The following WDR45 variants were observed in gnomAD, a reference collection of about 807,000 sequenced individuals.
WDR45 encodes the protein WD repeat domain phosphoinositide-interacting protein 4.
WDR45 carries 2 observed loss-of-function variants against 27.3 expected under a neutral mutation model. That is an observed-to-expected ratio of 0.07 (90% CI 0.03 to 0.23). WDR45 has a LOEUF of 0.23. Among genes scored for constraint, WDR45 ranks in the 10% least tolerant of loss-of-function variants. The probability of loss-of-function intolerance (pLI) is 1.00; values close to 1 mark genes in which losing one functional copy is unlikely to be tolerated. For synonymous variants in WDR45, 99 were observed against 119.2 expected (o/e 0.83, Z 1.11); for missense variants, 175 against 311.9 (o/e 0.56, Z 3.31).
chrX:49,074,562 A>C lies in WDR45; in HGVS notation c.*241T>G. On this transcript the variant is annotated 3_prime_UTR_variant, in exon 11 of 11. Transcript: ENST00000376372. ...CTCTGGGTCCCTGGCAATTTCCTCC[A>C]GGTTAGGGATCCCAAGGGGTCGCTG... The C allele has an allele frequency of 2.5e-6, 1 of 399,510 alleles. No homozygotes were observed. Among genetic ancestry groups the C allele is most frequent in the East Asian group, 4.0e-5 (1 of 25,025 alleles). 32.9% of individuals were successfully genotyped at this position (399,510 alleles called of 1,213,427 possible).
At chrX:49,085,530 A>C (rs2147823065) in intron 2 of WDR45, among the ~76,000 whole-genome samples, 1 of 112,805 alleles carries the variant, frequency 8.9e-6, no homozygotes, top group African/African-American at 3.2e-5. Context: ...CAGCTCCTAA[A>C]AAGGTAAAGT....
chrX:49,097,663 T>TTA (rs1175784981), intron 2 of WDR45, among the ~76,000 whole-genome samples: 1 of 36,640 alleles, frequency 2.7e-5, no homozygotes, highest in Non-Finnish European at 8.9e-5. Flanking sequence ...ATTATTATTA[T>TTA]TTTTTTTTTT....
chrX:49,085,213 CG>C lies in WDR45; in HGVS notation c.-17-7102del, dbSNP rs782690324. 7.1e-3 allele frequency among the ~76,000 whole-genome samples: 796 copies of C among 111,798 alleles called. 5 individuals carry two copies. Among genetic ancestry groups the C allele is most frequent in the Non-Finnish European group, 0.01 (533 of 53,138 alleles). On this transcript the variant is annotated intron_variant, in intron 2 of 11. Transcript: ENST00000356463. ...CAGAGGGTCCCCCTTCAGTATTTAG[CG>C]GAGTGCTTATCAACACATGCATATG...
At chrX:49,096,296 T>C (rs1385728225) in intron 2 of WDR45, among the ~76,000 whole-genome samples, 1 of 110,910 alleles carries the variant, frequency 9.0e-6, no homozygotes, top group Non-Finnish European at 1.9e-5. Flanking sequence ...AGTGGCGTAA[T>C]CATGGCTCAT....
chrX:49,097,809 A>T (rs1184414391), intron 2 of WDR45, among the ~76,000 whole-genome samples: 1 of 107,113 alleles, frequency 9.3e-6, no homozygotes, highest in Non-Finnish European at 1.9e-5. Flanking sequence ...GGCGTTAGCC[A>T]CCACACCTGG....
At chrX:49,087,673 C>T (rs2065091030) in intron 2 of WDR45, among the ~76,000 whole-genome samples, 1 of 112,168 alleles carries the variant, frequency 8.9e-6, no homozygotes, top group Admixed American at 9.5e-5. Context: ...GAGAAGCCAT[C>T]GAGGCAGGAG....
chrX:49,100,772 AAGG>A (rs2065143126), intron 1 of WDR45: 1 of 112,845 alleles, frequency 8.9e-6, no homozygotes. Context: ...GGCTTGTGAG[AAGG>A]AGTACAGTTA....
At chrX:49,091,531 T>C (rs1197499586) in intron 2 of WDR45, among the ~76,000 whole-genome samples, 141 of 86,010 alleles carry the variant, frequency 1.6e-3, no homozygotes, top group Middle Eastern at 0.017. Flanking sequence ...GGGTGGATCA[T>C]GAGGTCAGGA....
chrX:49,098,403 C>A (rs996481715), intron 2 of WDR45, among the ~76,000 whole-genome samples: 2 of 106,308 alleles, frequency 1.9e-5, no homozygotes, highest in African/African-American at 3.4e-5. Flanking sequence ...GGCTAAGGTG[C>A]GGGAATTGCT....
At chrX:49,091,857 G>A (rs1217202763) in intron 2 of WDR45, among the ~76,000 whole-genome samples, 8 of 104,909 alleles carry the variant, frequency 7.6e-5, no homozygotes, top group Admixed American at 3.1e-4. Context: ...TATGCCAGGC[G>A]CGGTGGCTCA....
In WDR45 at chrX:49,091,726, G is replaced by A. The variant is rs1215922354; in HGVS notation, c.-18+8479C>T. On this transcript the variant is annotated intron_variant, in intron 2 of 11. Transcript: ENST00000356463. ...GTTGCGCCACTGCAGTCCGCAGTCCGACCTGGGCGACAGAGCGAGACTCCG... is the reference window on the plus strand; with the variant it reads ...GTTGCGCCACTGCAGTCCGCAGTCCAACCTGGGCGACAGAGCGAGACTCCG... Among the ~76,000 whole-genome samples, 9 of 65,011 alleles carry A rather than the reference G, an allele frequency of 1.4e-4. No individual in the cohort carries two copies. The East Asian group carries it at 5.5e-3, about 40-fold the overall frequency. 56.5% of individuals were successfully genotyped at this position (65,011 alleles called of 115,157 possible).
intron 2 of WDR45, among the ~76,000 whole-genome samples, chrX:49,095,249 C>T (rs964327025): frequency 1.1e-4 from 12 of 110,315 alleles, no homozygotes; most frequent in Non-Finnish European, 2.1e-4. Flanking sequence ...TGGTGCCTCA[C>T]ACCTGTAATC....
At chrX:49,081,815 C>G (rs918838177), upstream of WDR45, among the ~76,000 whole-genome samples, 4 of 107,387 alleles carry the variant, frequency 3.7e-5, no homozygotes, top group Non-Finnish European at 7.7e-5. Flanking sequence ...GAAACCTCCT[C>G]TCTACTAAAA....
chrX:49,076,348 C>A, intron 6 of WDR45, 82 bp downstream of exon 6: 2 of 1,009,591 alleles, frequency 2.0e-6, no homozygotes, highest in Non-Finnish European at 1.4e-6. Context: ...TGTGAGTGCC[C>A]CTTCCTTTCT....
intron 2 of WDR45, among the ~76,000 whole-genome samples, chrX:49,096,165 A>G (rs1261332021): frequency 9.0e-6 from 1 of 110,957 alleles, no homozygotes; most frequent in Non-Finnish European, 1.9e-5. Flanking sequence ...CTTTTTATGT[A>G]GTAACTGACA....
In WDR45 at chrX:49,087,628, CAG is replaced by C. The variant is rs1557086104; in HGVS notation, c.-17-9518_-17-9517del. ...TGGGACATTGCTAAGATATAGGGCT[CAG>C]GGGAACCAGGAGGAACTAGCAAGAC... On this transcript the variant is annotated intron_variant, in intron 2 of 11. Coordinates refer to the WDR45 transcript ENST00000356463. Among the ~76,000 whole-genome samples, 3 of 112,337 alleles carry C rather than the reference CAG, an allele frequency of 2.7e-5. No homozygotes were observed. The Admixed American group carries it at 2.8e-4, about 11-fold the overall frequency.
At chrX:49,096,989 C>T (rs782754595) in intron 2 of WDR45, among the ~76,000 whole-genome samples, 1 of 111,796 alleles carries the variant, frequency 8.9e-6, no homozygotes, top group Non-Finnish European at 1.9e-5. Context: ...CCGCCCACCT[C>T]GGTCTCCCAA....
intron 2 of WDR45, among the ~76,000 whole-genome samples, chrX:49,088,152 C>G (rs1258845614): frequency 9.0e-6 from 1 of 111,679 alleles, no homozygotes; most frequent in East Asian, 2.8e-4. Flanking sequence ...GCCTGTAATC[C>G]CAGCACTTTC....
At chrX:49,082,072 G>A (rs1288916897), upstream of WDR45, 2 of 108,493 alleles carry the variant, frequency 1.8e-5, no homozygotes, top group Non-Finnish European at 1.9e-5. Flanking sequence ...GTTTAGCCAA[G>A]GTGTGGATAT....
Sources: gnomAD v4.1 joint callset for allele counts (sites outside exome capture counted in the v4.1 genomes callset) on GRCh38, gnomAD v4.1.1 for gene constraint, MANE v1.5 for transcripts, NCBI Gene and HGNC (gene_info 2026-07-23, HGNC 2026-07-21) for gene names.